The following MCF2 variants were observed in gnomAD, a reference collection of about 807,000 sequenced individuals.
The protein encoded by MCF2 is proto-oncogene DBL.
A neutral mutation model predicts 82.5 loss-of-function variants in MCF2; 44 were observed. The ratio of observed to expected loss-of-function variants is 0.53; its 90% CI spans 0.42 to 0.69. The LOEUF (loss-of-function observed/expected upper bound fraction) is 0.69. Among genes scored for constraint, MCF2 ranks in the 30% least tolerant of loss-of-function variants. The pLI is 0.00. For missense variants in MCF2, 623 were observed against 663.1 expected (o/e 0.94, Z 0.66); for synonymous variants, 217 against 224.9 (o/e 0.96, Z 0.32).
chrX:139,686,927 A>T (rs1935138181), intron 1 of MCF2, among the ~76,000 whole-genome samples: 1 of 111,403 alleles, frequency 9.0e-6, no homozygotes, highest in Admixed American at 9.6e-5. Flanking sequence ...CCTTTGCTCA[A>T]AACCTTCCAA....
intron 4 of MCF2, among the ~76,000 whole-genome samples, chrX:139,628,855 C>T: frequency 9.0e-6 from 1 of 111,262 alleles, no homozygotes; most frequent in Non-Finnish European, 1.9e-5. Context: ...CAACACTCCA[C>T]AAAGACCTGG....
intron 1 of MCF2, among the ~76,000 whole-genome samples, chrX:139,700,284 C>G (rs775694902): frequency 9.0e-6 from 1 of 110,913 alleles, no homozygotes; most frequent in African/African-American, 3.3e-5. Context: ...AGCCAGATTT[C>G]TTTTCTTAGG....
At chrX:139,628,667 A>C (rs1310036845) in intron 4 of MCF2, among the ~76,000 whole-genome samples, 1 of 112,178 alleles carries the variant, frequency 8.9e-6, no homozygotes, top group East Asian at 2.8e-4. Flanking sequence ...ATTTAAACAC[A>C]TATCTCTATA....
At chrX:139,582,187 G>A (rs936213664) in exon 25 of MCF2, 14 of 383,420 alleles carry the variant, frequency 3.7e-5, no homozygotes, top group Non-Finnish European at 6.3e-5. Flanking sequence ...TGGTTACAAA[G>A]TAGAGAAGAA....
intron 1 of MCF2, among the ~76,000 whole-genome samples, chrX:139,694,642 A>G (rs1396116797): frequency 8.9e-6 from 1 of 111,796 alleles, no homozygotes; most frequent in African/African-American, 3.3e-5. Context: ...TAAAATATAC[A>G]TACCCTTTAA....
chrX:139,613,369 A>G, intron 10 of MCF2, 106 bp from the exon 14 acceptor site: 1 of 583,805 alleles, frequency 1.7e-6, no homozygotes, highest in Non-Finnish European at 2.7e-6. Flanking sequence ...ATGGATCTGT[A>G]ACAGTCTCCT....
intron 1 of MCF2, among the ~76,000 whole-genome samples, chrX:139,694,346 A>C (rs1237423716): frequency 4.5e-5 from 5 of 110,471 alleles, no homozygotes; most frequent in African/African-American, 1.6e-4. Flanking sequence ...TTTACAAAGA[A>C]ATAAGGTAAC....
chrX:139,609,582 G>T (rs1179523813), intron 11 of MCF2, among the ~76,000 whole-genome samples: 2 of 110,908 alleles, frequency 1.8e-5, no homozygotes, highest in African/African-American at 6.6e-5. Flanking sequence ...AGAAAATGTG[G>T]GATGTTGTAG....
chrX:139,602,041 G>A (rs979987303), intron 16 of MCF2, among the ~76,000 whole-genome samples: 1 of 111,277 alleles, frequency 9.0e-6, no homozygotes, highest in Non-Finnish European at 1.9e-5. Flanking sequence ...CCAAAATTAC[G>A]ATATGACTAT....
chrX:139,599,739 A>C (rs1010499073), intron 16 of MCF2, among the ~76,000 whole-genome samples: 1 of 111,874 alleles, frequency 8.9e-6, no homozygotes, highest in Non-Finnish European at 1.9e-5. Context: ...GTAACTTTGG[A>C]AAAGAGTCCA....
At chrX:139,705,795 A>G (rs1935578662) in intron 1 of MCF2, among the ~76,000 whole-genome samples, 1 of 112,437 alleles carries the variant, frequency 8.9e-6, no homozygotes, top group South Asian at 3.7e-4. Context: ...GAATGGGAGA[A>G]GATATTTGCA....
At chrX:139,662,308 C>A (rs1267208933) in intron 1 of MCF2, among the ~76,000 whole-genome samples, 1 of 111,223 alleles carries the variant, frequency 9.0e-6, no homozygotes, top group Non-Finnish European at 1.9e-5. Flanking sequence ...TTGAAAAGAA[C>A]CCCTATAAAG....
intron 6 of MCF2, 129 bp downstream of exon 9, chrX:139,626,064 T>C (rs1281852316): frequency 8.2e-6 from 3 of 366,329 alleles, no homozygotes; most frequent in African/African-American, 5.3e-5. Flanking sequence ...CAAGGTTCAT[T>C]TACATTTGCC....
Position 139,590,118 on chromosome X carries a change from A to C in MCF2, c.2278-191T>G, listed in dbSNP as rs751257612. ...TTTAAATGTTTTCATTGAACTATGC[A>C]CTTTATAGTTCAGATTGCACGCTTC... is the stretch of plus-strand genomic sequence containing the variant. On this transcript the variant is annotated intron_variant, in intron 19 of 24. Transcript: ENST00000370576. Among the ~76,000 whole-genome samples, 8 of 111,737 alleles carry C rather than the reference A, an allele frequency of 7.2e-5. No homozygotes were observed. In the South Asian group the frequency reaches 3.0e-3, roughly 41 times the overall value.
chrX:139,645,500 C>T, upstream of MCF2: 2 of 626,216 alleles, frequency 3.2e-6, no homozygotes, highest in Non-Finnish European at 4.9e-6. Context: ...GTAATCTATA[C>T]CTCCCAAAAC....
chrX:139,608,323 A>T (rs1931214427), intron 11 of MCF2, among the ~76,000 whole-genome samples: 1 of 110,638 alleles, frequency 9.0e-6, no homozygotes, highest in African/African-American at 3.3e-5. Flanking sequence ...TACCTGCAGA[A>T]CTCTATTCTT....
At chrX:139,631,898 C>A (rs989930041) in intron 2 of MCF2, among the ~76,000 whole-genome samples, 2 of 110,973 alleles carry the variant, frequency 1.8e-5, no homozygotes, top group African/African-American at 6.5e-5. Context: ...TTTATGAGCA[C>A]CCTATTCCTA....
At chrX:139,666,248 C>T (rs1475073642) in intron 1 of MCF2, among the ~76,000 whole-genome samples, 1 of 106,520 alleles carries the variant, frequency 9.4e-6, no homozygotes, top group East Asian at 2.9e-4. Context: ...CCCACCTCTC[C>T]CCCAACACCC....
Position 139,642,702 on chromosome X carries a change from T to A in MCF2, c.-184A>T, listed in dbSNP as rs1265729242. 293 of 1,073,232 alleles carry A rather than the reference T, an allele frequency of 2.7e-4. 1 individual carries two copies. Among genetic ancestry groups the A allele is most frequent in the Non-Finnish European group, 3.3e-4 (271 of 832,877 alleles). The allele number at this position is 1,073,232 out of a possible 1,213,427, so 88.4% of individuals were successfully genotyped here. On this transcript the variant is annotated 5_prime_UTR_variant, in exon 1 of 25. Coordinates refer to ENST00000370576, the Ensembl canonical transcript of MCF2. ...GGGAGGAAAAAAAAAAAAAAACCAC[T>A]ATCCCTGATTAGTCAGCTGACAGAT...
Sources: gnomAD v4.1 joint callset for allele counts (sites outside exome capture counted in the v4.1 genomes callset) on GRCh38, gnomAD v4.1.1 for gene constraint, MANE v1.5 for transcripts, NCBI Gene and HGNC (gene_info 2026-07-23, HGNC 2026-07-21) for gene names.